ZFYVE9: variants seen among roughly 807,000 people sequenced by gnomAD.
ZFYVE9 encodes the protein zinc finger FYVE domain-containing protein 9.
Under a neutral mutation model 126.7 loss-of-function variants are expected in ZFYVE9, and 43 were observed. That is an observed-to-expected ratio of 0.34 (90% CI 0.27 to 0.44). ZFYVE9 has a LOEUF of 0.44. Among genes scored for constraint, ZFYVE9 ranks in the 20% least tolerant of loss-of-function variants. The probability of loss-of-function intolerance (pLI) is 1.00; values close to 1 mark genes in which losing one functional copy is unlikely to be tolerated. For synonymous variants in ZFYVE9, 521 were observed against 597.4 expected, an observed-to-expected ratio of 0.87 and a Z score of 1.87; for missense variants, 1,476 against 1,697.0, an observed-to-expected ratio of 0.87 and a Z score of 2.29.
intron 1 of ZFYVE9, among the ~76,000 whole-genome samples, chr1:52,157,394 CTTTTTTTTTTTT>C (rs71579908): frequency 3.4e-5 from 2 of 58,444 alleles, no homozygotes; most frequent in Non-Finnish European, 5.6e-5. Flanking sequence ...ACCATATTCT[CTTTTTTTTTTTT>C]TTTTTTTTTT....
chr1:52,255,793 C>T (rs577481379), intron 4 of ZFYVE9, among the ~76,000 whole-genome samples: 13 of 151,124 alleles, frequency 8.6e-5, no homozygotes, highest in South Asian at 2.1e-4. Context: ...CTTGGGAGGT[C>T]GCAGTGAGCC....
chr1:52,263,756 C>CCG lies in ZFYVE9; in HGVS notation c.2179-16_2179-15insGC, dbSNP rs748927020. On this transcript the variant is annotated splice_polypyrimidine_tract_variant and intron_variant, in intron 4 of 18. Transcript: ENST00000287727. ...CCAAGTAAATTTTGTGTGTTCTTCC[C>CCG]CCCCCCCCCCCCACAGGTTTTCTGT... is the stretch of plus-strand genomic sequence containing the variant. The CCG allele has an allele frequency of 1.6e-5, 9 of 563,512 alleles. No individual in the cohort carries two copies. In the African/African-American group the frequency reaches 2.2e-4, roughly 14 times the overall value. The allele number at this position is 563,512 out of a possible 1,614,324, so 34.9% of individuals were successfully genotyped here.
intron 1 of ZFYVE9, among the ~76,000 whole-genome samples, chr1:52,204,103 A>G (rs1644950953): frequency 6.8e-6 from 1 of 146,234 alleles, no homozygotes; most frequent in South Asian, 2.1e-4. Flanking sequence ...TTTTAACCTT[A>G]TGCCTTGTAA....
intron 13 of ZFYVE9, 50 bp from the exon 14 acceptor site, chr1:52,332,714 TCAGA>T (rs1646353537): frequency 5.0e-6 from 8 of 1,586,364 alleles, no homozygotes; most frequent in Non-Finnish European, 6.0e-6. Context: ...TTGCACCATG[TCAGA>T]CAGAAAAATG....
At chr1:52,328,725 A>C (rs1175713030) in intron 13 of ZFYVE9, among the ~76,000 whole-genome samples, 2 of 152,236 alleles carry the variant, frequency 1.3e-5, no homozygotes, top group East Asian at 3.8e-4. Flanking sequence ...TGTAAATTGC[A>C]AATGAGAACC....
chr1:52,166,761 T>G (rs1312084987), intron 1 of ZFYVE9, among the ~76,000 whole-genome samples: 1 of 151,970 alleles, frequency 6.6e-6, no homozygotes, highest in Non-Finnish European at 1.5e-5. Context: ...AACAAAAAAG[T>G]CAGGCATGGT....
intron 8 of ZFYVE9, among the ~76,000 whole-genome samples, chr1:52,275,034 A>G (rs1303052453): frequency 6.6e-6 from 1 of 152,106 alleles, no homozygotes; most frequent in African/African-American, 2.4e-5. Context: ...GGATCTTGAT[A>G]AGAAGTAAAA....
intron 1 of ZFYVE9, among the ~76,000 whole-genome samples, chr1:52,165,383 A>G (rs1572067360): frequency 6.6e-6 from 1 of 152,186 alleles, no homozygotes; most frequent in East Asian, 1.9e-4. Flanking sequence ...CCTCATTGAG[A>G]TCTTTCAATA....
At position 52,188,498 on chromosome 1, in the gene ZFYVE9, A is replaced by G. The variant is rs1387017105; in HGVS notation, c.-142-27871A>G. 2.6e-5 allele frequency among the ~76,000 whole-genome samples: 4 copies of G among 152,346 alleles called. 1 individual carries two copies. In the South Asian group the frequency reaches 6.2e-4, roughly 24 times the overall value. On this transcript the variant is annotated intron_variant, in intron 1 of 18. Transcript: ENST00000287727. The stretch of plus-strand genomic sequence containing the variant: ...AAAATATAAGTTAAAAAATTTTTAA[A>G]ATAAAATTGCCTAGTTTATCCAACA...
chr1:52,236,900 G>T (rs1285902814), intron 3 of ZFYVE9, among the ~76,000 whole-genome samples: 1 of 152,064 alleles, frequency 6.6e-6, no homozygotes, highest in South Asian at 2.1e-4. Flanking sequence ...CTGCCATTTT[G>T]TTTCATTTAT....
intron 3 of ZFYVE9, among the ~76,000 whole-genome samples, chr1:52,234,356 G>A (rs1645253178): frequency 6.6e-6 from 1 of 152,134 alleles, no homozygotes; most frequent in African/African-American, 2.4e-5. Flanking sequence ...AGCTATTTGG[G>A]AGGCAAAGGA....
chr1:52,315,865 A>T (rs576410027), intron 13 of ZFYVE9, among the ~76,000 whole-genome samples: 1 of 152,352 alleles, frequency 6.6e-6, no homozygotes, highest in African/African-American at 2.4e-5. Flanking sequence ...AAACATACGT[A>T]TAAGAAAAAC....
intron 3 of ZFYVE9, among the ~76,000 whole-genome samples, chr1:52,234,113 C>A (rs1645250649): frequency 1.3e-5 from 2 of 152,178 alleles, no homozygotes; most frequent in Admixed American, 1.3e-4. Context: ...AGACTTTTCT[C>A]TAAATTTCCA....
At chr1:52,188,145 C>T (rs948091258) in intron 1 of ZFYVE9, among the ~76,000 whole-genome samples, 1 of 152,148 alleles carries the variant, frequency 6.6e-6, no homozygotes, top group African/African-American at 2.4e-5. Flanking sequence ...ACTATGGCGC[C>T]ATACAAAAGA....
intron 10 of ZFYVE9, among the ~76,000 whole-genome samples, chr1:52,282,086 C>G (rs1408281944): frequency 6.6e-6 from 1 of 152,032 alleles, no homozygotes; most frequent in Non-Finnish European, 1.5e-5. Context: ...GGCCTGGGGT[C>G]AGGATATTGG....
intron 1 of ZFYVE9, among the ~76,000 whole-genome samples, chr1:52,159,530 A>G (rs576507087): frequency 6.6e-6 from 1 of 152,186 alleles, no homozygotes; most frequent in South Asian, 2.1e-4. Context: ...TTGTTCATTA[A>G]AGGAGTCCTG....
chr1:52,311,434 T>G (rs1646136283), intron 13 of ZFYVE9, among the ~76,000 whole-genome samples: 1 of 151,958 alleles, frequency 6.6e-6, no homozygotes, highest in African/African-American at 2.4e-5. Flanking sequence ...CCAGCTAATT[T>G]TTGTATTTTT....
intron 13 of ZFYVE9, among the ~76,000 whole-genome samples, chr1:52,325,134 C>T (rs886412010): frequency 6.6e-6 from 1 of 152,004 alleles, no homozygotes; most frequent in African/African-American, 2.4e-5. Context: ...AAAAAATTAG[C>T]TGGATGTGGT....
At chr1:52,281,135 CTTTTTTTTTT>C (rs539866378) in intron 9 of ZFYVE9, among the ~76,000 whole-genome samples, 1 of 137,226 alleles carries the variant, frequency 7.3e-6, no homozygotes, top group Non-Finnish European at 1.6e-5. Context: ...CTTTTCTTTT[CTTTTTTTTTT>C]TTTTTGAGAC....
Sources: gnomAD v4.1 joint callset for allele counts (sites outside exome capture counted in the v4.1 genomes callset) on GRCh38, gnomAD v4.1.1 for gene constraint, MANE v1.5 for transcripts, NCBI Gene and HGNC (gene_info 2026-07-23, HGNC 2026-07-21) for gene names.